The following CPM variants were observed in gnomAD, a reference collection of about 807,000 sequenced individuals.
The protein encoded by CPM is renal carboxypeptidase.
A neutral mutation model predicts 46.4 loss-of-function variants in CPM; 35 were observed. The observed-to-expected ratio is 0.75, with a 90% confidence interval of 0.58 to 1.00. The LOEUF (loss-of-function observed/expected upper bound fraction) is 1.00, where lower values mean the gene tolerates loss of function less well. Among genes scored for constraint, CPM ranks in the 50% least tolerant of loss-of-function variants. The pLI is 0.00. For missense variants in CPM, 422 were observed against 530.4 expected, an observed-to-expected ratio of 0.80 and a Z score of 2.01; for synonymous variants, 195 against 195.3, an observed-to-expected ratio of 1.00 and a Z score of 0.01.
At chr12:68,928,045 A>G (rs1888342900) in intron 2 of CPM, among the ~76,000 whole-genome samples, 1 of 152,224 alleles carries the variant, frequency 6.6e-6, no homozygotes, top group South Asian at 2.1e-4. Context: ...GGAACCAAAA[A>G]AGAGCCCGCA....
At chr12:68,901,319 G>A (rs1692365193) in intron 2 of CPM, among the ~76,000 whole-genome samples, 1 of 152,212 alleles carries the variant, frequency 6.6e-6, no homozygotes, top group Non-Finnish European at 1.5e-5. Flanking sequence ...TGTAAGGGTG[G>A]GATTTAGGAG....
At chr12:68,916,424 C>G (rs1021144943) in intron 2 of CPM, among the ~76,000 whole-genome samples, 1 of 152,304 alleles carries the variant, frequency 6.6e-6, no homozygotes, top group Non-Finnish European at 1.5e-5. Flanking sequence ...ATGAACAATT[C>G]CATTCAATTA....
At chr12:68,945,725 T>C (rs1174845954) in intron 1 of CPM, among the ~76,000 whole-genome samples, 1 of 152,156 alleles carries the variant, frequency 6.6e-6, no homozygotes, top group Non-Finnish European at 1.5e-5. Context: ...CTTGCAGAAC[T>C]GATCTGAAGC....
Position 68,871,818 on chromosome 12 carries a change from C to A in CPM, c.397G>T (p.Val133Phe). ...CTGTAATAACAGTCAGGCTTTTTGACGGCTTCAAATCCATCTGGGTTCATG... is the reference window on the plus strand; with the variant it reads ...CTGTAATAACAGTCAGGCTTTTTGAAGGCTTCAAATCCATCTGGGTTCATG... ...PSMNPDGFEA[V>F]KKPDCYYSIG... Residue 133 changes from valine (V) to phenylalanine (F), a missense_variant, in exon 4 of 9, where the codon GTC becomes TTC. Physicochemically the swap from Val to Phe is conservative, Grantham distance 50. Transcript: ENST00000551568. 1 of 1,614,134 alleles carries A rather than the reference C, an allele frequency of 6.2e-7. No homozygotes were observed. The highest frequency in any genetic ancestry group is 8.5e-7 in the Non-Finnish European group (1 of 1,180,024).
At chr12:68,945,215 AAGG>A (rs942558380) in intron 1 of CPM, among the ~76,000 whole-genome samples, 3 of 152,108 alleles carry the variant, frequency 2.0e-5, no homozygotes, top group African/African-American at 7.2e-5. Context: ...CTCTCTAAGC[AAGG>A]AGGAGATTAG....
At chr12:68,917,725 T>C (rs1887868144) in intron 2 of CPM, among the ~76,000 whole-genome samples, 1 of 152,202 alleles carries the variant, frequency 6.6e-6, no homozygotes, top group Non-Finnish European at 1.5e-5. Flanking sequence ...TGTTTAAAGT[T>C]GACATGAAGA....
upstream of CPM, among the ~76,000 whole-genome samples, chr12:68,935,117 C>T (rs906271406): frequency 2.0e-5 from 3 of 152,128 alleles, no homozygotes; most frequent in Non-Finnish European, 2.9e-5. Flanking sequence ...ACCATGTTGG[C>T]CAGGCTGGTC....
At chr12:68,885,199 C>T (rs535254883) in intron 3 of CPM, among the ~76,000 whole-genome samples, 1 of 152,292 alleles carries the variant, frequency 6.6e-6, no homozygotes, top group Non-Finnish European at 1.5e-5. Context: ...CCTGCCTTGG[C>T]CTCCCAAATT....
In CPM at chr12:68,853,524, C is replaced by G. The variant is rs1380845889; in HGVS notation, c.*2913G>C. ...TTTTGTGCATGTAGAATAAGCTTGG[C>G]ATAGAAATGGCCTAAATGCTCCTGT... On this transcript the variant is annotated 3_prime_UTR_variant, in exon 9 of 9. Transcript: ENST00000551568. The G allele has an allele frequency of 6.6e-6, 1 of 152,096 alleles. No individual in the cohort carries two copies. The highest frequency in any genetic ancestry group is 1.5e-5 in the Non-Finnish European group (1 of 68,024). The allele number at this position is 152,096 out of a possible 1,614,324, so 9.4% of individuals were successfully genotyped here.
rs557206736 is a variant in CPM, at chr12:68,897,731, C to T, written c.161-11842G>A. On this transcript the variant is annotated intron_variant, in intron 2 of 8. Coordinates refer to ENST00000551568, the MANE Select transcript of CPM (RefSeq NM_198320.5). ...CAGTCTGGGTGACAGAGCGAGACTC[C>T]GTTTCAAAAAAAAAAAAAAAAAAAG... Among the ~76,000 whole-genome samples the T allele has an allele frequency of 9.9e-4, 112 of 113,388 alleles. 2 individuals are homozygous for T. In the South Asian group the frequency reaches 0.029, roughly 30 times the overall value. 74.4% of individuals were successfully genotyped at this position (113,388 alleles called of 152,430 possible).
chr12:68,939,085 C>T (rs1170978134), intron 1 of CPM, among the ~76,000 whole-genome samples: 1 of 145,326 alleles, frequency 6.9e-6, no homozygotes, highest in African/African-American at 2.5e-5. Context: ...TATATGTATA[C>T]ACATATGTAT....
At chr12:68,889,416 T>C (rs1432632218) in intron 2 of CPM, among the ~76,000 whole-genome samples, 4 of 152,220 alleles carry the variant, frequency 2.6e-5, no homozygotes, top group Non-Finnish European at 5.9e-5. Context: ...GTACAGAATT[T>C]ATAACATTAA....
chr12:68,921,027 G>T (rs1010356308), intron 2 of CPM, among the ~76,000 whole-genome samples: 2 of 151,386 alleles, frequency 1.3e-5, no homozygotes, highest in Non-Finnish European at 2.9e-5. Flanking sequence ...GGGGAAAAAA[G>T]GCCTTCTTCA....
chr12:68,916,276 A>T (rs537565906), intron 2 of CPM, among the ~76,000 whole-genome samples: 1 of 152,266 alleles, frequency 6.6e-6, no homozygotes, highest in East Asian at 1.9e-4. Context: ...TGTCTCCAAA[A>T]TTGCTGATTA....
intron 3 of CPM, among the ~76,000 whole-genome samples, chr12:68,878,006 C>T (rs1380654861): frequency 2.0e-5 from 3 of 152,214 alleles, no homozygotes; most frequent in East Asian, 3.8e-4. Context: ...ACAAATATGG[C>T]CACTATTACC....
In CPM at chr12:68,842,641, T is replaced by C. The variant is rs78524202; in HGVS notation, c.534-312A>G. Reference sequence around the variant, plus strand: ...TAAAATAGTTACGCTATTTGGTTAATGGTACTAGACAACATGTAATTAATG... The same window carrying C: ...TAAAATAGTTACGCTATTTGGTTAACGGTACTAGACAACATGTAATTAATG... On this transcript the variant is annotated intron_variant, in intron 5 of 5. Transcript: ENST00000551897. 1.8e-3 allele frequency: 502 copies of C among 286,342 alleles called. 2 individuals are homozygous for C. Among genetic ancestry groups the C allele is most frequent in the African/African-American group, 0.01 (470 of 46,638 alleles). The allele number at this position is 286,342 out of a possible 1,614,324, so 17.7% of individuals were successfully genotyped here.
intron 2 of CPM, among the ~76,000 whole-genome samples, chr12:68,921,323 G>A (rs980888096): frequency 1.3e-5 from 2 of 151,784 alleles, no homozygotes; most frequent in African/African-American, 4.8e-5. Context: ...TGTAATTTTA[G>A]TAGAGATGGG....
At chr12:68,938,165 T>A (rs1888701397), upstream of CPM, among the ~76,000 whole-genome samples, 1 of 152,172 alleles carries the variant, frequency 6.6e-6, no homozygotes, top group African/African-American at 2.4e-5. Flanking sequence ...TCAAACTTTT[T>A]TCTTTGAAAG....
intron 1 of CPM, among the ~76,000 whole-genome samples, chr12:68,955,029 C>T (rs7313045): frequency 0.33 from 50,424 of 152,042 alleles, 8,474 homozygotes; most frequent in South Asian, 0.44. Flanking sequence ...AGTGGCTGGA[C>T]CCTGCGCTTG....
Sources: gnomAD v4.1 joint callset for allele counts (sites outside exome capture counted in the v4.1 genomes callset) on GRCh38, gnomAD v4.1.1 for gene constraint, MANE v1.5 for transcripts, NCBI Gene and HGNC (gene_info 2026-07-23, HGNC 2026-07-21) for gene names.